TNR: variants seen among roughly 807,000 people sequenced by gnomAD.
TNR encodes the protein tenascin-R.
In TNR, 45 loss-of-function variants were observed where a neutral mutation model predicts 150.4. The ratio of observed to expected loss-of-function variants is 0.30; its 90% CI spans 0.24 to 0.38. The LOEUF (loss-of-function observed/expected upper bound fraction) is 0.38. TNR is among the 10% of genes least tolerant of loss of function. The pLI is 1.00. For missense variants in TNR, 1,544 were observed against 1,759.1 expected, an observed-to-expected ratio of 0.88 and a Z score of 2.19; for synonymous variants, 687 against 678.4, an observed-to-expected ratio of 1.01 and a Z score of -0.20.
intron 1 of TNR, among the ~76,000 whole-genome samples, chr1:175,713,591 C>T (rs534182369): frequency 6.6e-6 from 1 of 152,324 alleles, no homozygotes; most frequent in South Asian, 2.1e-4. Flanking sequence ...TGCTAAAACG[C>T]TTCTCATTGC....
At chr1:175,715,005 C>T (rs896696944) in intron 1 of TNR, among the ~76,000 whole-genome samples, 2 of 152,192 alleles carry the variant, frequency 1.3e-5, no homozygotes, top group African/African-American at 4.8e-5. Context: ...AGGCTCTTGA[C>T]TCAGTCAACT....
At chr1:175,326,909 G>T (rs1233056745) in intron 21 of TNR, among the ~76,000 whole-genome samples, 1 of 151,252 alleles carries the variant, frequency 6.6e-6, no homozygotes. Context: ...CTCATGATCT[G>T]CCCGCCTCGG....
At chr1:175,698,526 A>G (rs1485919785) in intron 1 of TNR, among the ~76,000 whole-genome samples, 1 of 152,040 alleles carries the variant, frequency 6.6e-6, no homozygotes, top group Non-Finnish European at 1.5e-5. Context: ...GAGTGGAAAG[A>G]GCAAAGCCAG....
In TNR at chr1:175,321,204, A is replaced by C. The variant is rs931365069; in HGVS notation, c.*2153T>G. On this transcript the variant is annotated 3_prime_UTR_variant, in exon 23 of 23. Transcript: ENST00000367674. ...TCCCAGTTTGTTGAAGCCCATGGTT[A>C]ACTGAGAAATGCAAGTGGTGCCTAG... 2 of 152,236 alleles carry C rather than the reference A, an allele frequency of 1.3e-5. No individual in the cohort carries two copies. Among genetic ancestry groups the C allele is most frequent in the Non-Finnish European group, 2.9e-5 (2 of 68,060 alleles). The allele number at this position is 152,236 out of a possible 1,614,324, so 9.4% of individuals were successfully genotyped here.
intron 2 of TNR, among the ~76,000 whole-genome samples, chr1:175,415,428 T>A (rs1295456866): frequency 6.6e-6 from 1 of 152,136 alleles, no homozygotes; most frequent in Non-Finnish European, 1.5e-5. Flanking sequence ...CCCAGAGCTG[T>A]CAACAAGGAC....
chr1:175,349,218 C>T (rs1650940692), intron 18 of TNR, among the ~76,000 whole-genome samples: 1 of 152,140 alleles, frequency 6.6e-6, no homozygotes, highest in Non-Finnish European at 1.5e-5. Flanking sequence ...CCCCTATGAC[C>T]CAGCAATTCC....
At chr1:175,366,968 G>C (rs1342960292) in intron 10 of TNR, among the ~76,000 whole-genome samples, 1 of 152,222 alleles carries the variant, frequency 6.6e-6, no homozygotes, top group Admixed American at 6.5e-5. Flanking sequence ...GCCCTGAGCA[G>C]CTCTTCAGAC....
chr1:175,417,059 G>T (rs200918824), intron 2 of TNR, among the ~76,000 whole-genome samples: 11 of 103,760 alleles, frequency 1.1e-4, no homozygotes, highest in East Asian at 6.2e-4. Flanking sequence ...AAGAAAGAAA[G>T]AAAGAAAGAA....
chr1:175,473,916 C>T (rs1657410475), intron 2 of TNR, among the ~76,000 whole-genome samples: 1 of 152,104 alleles, frequency 6.6e-6, no homozygotes, highest in Non-Finnish European at 1.5e-5. Flanking sequence ...TTCATGGCCG[C>T]CTGTATGCTT....
intron 2 of TNR, among the ~76,000 whole-genome samples, chr1:175,474,211 G>T (rs1169616561): frequency 6.6e-6 from 1 of 152,106 alleles, no homozygotes; most frequent in Non-Finnish European, 1.5e-5. Flanking sequence ...CAAATTCCTA[G>T]GTTGAAGTCC....
At chr1:175,467,650 C>T (rs556111602) in intron 2 of TNR, among the ~76,000 whole-genome samples, 1 of 152,206 alleles carries the variant, frequency 6.6e-6, no homozygotes, top group African/African-American at 2.4e-5. Flanking sequence ...GTGTAGCTGA[C>T]ATGCTGACTA....
intron 15 of TNR, among the ~76,000 whole-genome samples, chr1:175,359,139 C>CTTTTTTTTTT (rs758610631): frequency 0.048 from 2,040 of 42,100 alleles, 612 homozygotes; most frequent in Middle Eastern, 0.075. Context: ...GGGATATCTT[C>CTTTTTTTTTT]TTTTTTTTTT....
chr1:175,591,237 G>GC (rs1662784772), intron 1 of TNR, among the ~76,000 whole-genome samples: 1 of 152,188 alleles, frequency 6.6e-6, no homozygotes, highest in Non-Finnish European at 1.5e-5. Flanking sequence ...GCCCTCAACA[G>GC]CCCTAGCTTG....
At chr1:175,641,212 G>C (rs1664646860) in intron 1 of TNR, among the ~76,000 whole-genome samples, 1 of 151,928 alleles carries the variant, frequency 6.6e-6, no homozygotes, top group Non-Finnish European at 1.5e-5. Flanking sequence ...TATACCCTGG[G>C]GTCATACATA....
chr1:175,741,436 T>A (rs1313805902), intron 1 of TNR, among the ~76,000 whole-genome samples: 1 of 152,200 alleles, frequency 6.6e-6, no homozygotes, highest in Non-Finnish European at 1.5e-5. Flanking sequence ...AGGGCATAAT[T>A]TTTTAAAAAT....
chr1:175,638,767 G>A (rs1664561748), intron 1 of TNR, among the ~76,000 whole-genome samples: 1 of 152,044 alleles, frequency 6.6e-6, no homozygotes, highest in African/African-American at 2.4e-5. Flanking sequence ...CACCCATAGG[G>A]CTAAATTATG....
chr1:175,363,556 G>T lies in TNR; in HGVS notation c.2707+152C>A, dbSNP rs892504984. On this transcript the variant is annotated intron_variant, in intron 13 of 22. Coordinates refer to ENST00000367674, the MANE Select transcript of TNR (RefSeq NM_003285.3). The stretch of plus-strand genomic sequence containing the variant: ...GGCATTGGTGAGTGTGGGGTTTCTT[G>T]GCTGCTCACCAGCCCACTCTCATTC... 6.0e-6 allele frequency: 6 copies of T among 999,372 alleles called. No individual in the cohort carries two copies. In the South Asian group the frequency reaches 1.1e-4, roughly 19 times the overall value. The allele number at this position is 999,372 out of a possible 1,614,324, so 61.9% of individuals were successfully genotyped here.
At chr1:175,728,494 G>T (rs1667541802) in intron 1 of TNR, among the ~76,000 whole-genome samples, 1 of 152,210 alleles carries the variant, frequency 6.6e-6, no homozygotes, top group Non-Finnish European at 1.5e-5. Flanking sequence ...TAGCAGGCAT[G>T]ATTTAAGGAA....
At chr1:175,542,218 C>T (rs1423944414) in intron 1 of TNR, among the ~76,000 whole-genome samples, 2 of 152,064 alleles carry the variant, frequency 1.3e-5, no homozygotes, top group Non-Finnish European at 2.9e-5. Context: ...GAATGCAGGC[C>T]CTCCCTCTCT....
Sources: allele counts gnomAD v4.1 joint callset (sites outside exome capture counted in the v4.1 genomes callset), GRCh38; gene constraint gnomAD v4.1.1; transcripts MANE v1.5; gene names NCBI Gene and HGNC (gene_info 2026-07-23, HGNC 2026-07-21).